Variants in PLEKHA6 observed in about 807,000 individuals in gnomAD.
The protein encoded by PLEKHA6 is pleckstrin homology domain-containing family A member 6.
A neutral mutation model predicts 116.7 loss-of-function variants in PLEKHA6; 60 were observed. That is an observed-to-expected ratio of 0.51 (90% CI 0.42 to 0.64). The LOEUF (loss-of-function observed/expected upper bound fraction) is 0.64. Ranked by LOEUF, PLEKHA6 falls within the 30% of genes least tolerant of loss-of-function variation. PLEKHA6 has a pLI of 0.00. For missense variants in PLEKHA6, 1,338 were observed against 1,422.7 expected (o/e 0.94, Z 0.96); for synonymous variants, 489 against 556.1 (o/e 0.88, Z 1.70).
upstream of PLEKHA6, among the ~76,000 whole-genome samples, chr1:204,361,053 G>A (rs1391726567): frequency 1.3e-5 from 2 of 152,088 alleles, no homozygotes. Flanking sequence ...CAGGCTCGCT[G>A]GTCTCAGTCC....
chr1:204,332,953 C>T (rs1175976939), intron 1 of PLEKHA6, among the ~76,000 whole-genome samples: 2 of 152,226 alleles, frequency 1.3e-5, no homozygotes, highest in South Asian at 2.1e-4. Context: ...AAAAGACGCT[C>T]TATAAATGCA....
rs1667837387 is a variant in PLEKHA6 at position 204,274,781 on chromosome 1, G to A, written c.-66C>T. On this transcript the variant is annotated 5_prime_UTR_variant, in exon 2 of 23. Coordinates refer to ENST00000272203, the MANE Select transcript of PLEKHA6 (RefSeq NM_014935.5). ...TCTGGGACCTGGCCAGTCACTGGGT[G>A]TAGAAATGTGTTCCGTCTTTCATTG... is the stretch of plus-strand genomic sequence containing the variant. 3.0e-6 allele frequency: 3 copies of A among 985,758 alleles called. No individual in the cohort carries two copies. The highest frequency in any genetic ancestry group is 2.4e-6 in the Non-Finnish European group (2 of 829,938). The allele number at this position is 985,758 out of a possible 1,614,324, so 61.1% of individuals were successfully genotyped here.
intron 1 of PLEKHA6, among the ~76,000 whole-genome samples, chr1:204,308,688 T>TTTC (rs1491277585): frequency 4.6e-5 from 2 of 43,888 alleles, no homozygotes; most frequent in Non-Finnish European, 4.4e-5. Context: ...TTTCTTTTTC[T>TTTC]TTTTTTTTTT....
rs1330613472 is a variant in PLEKHA6 at position 204,365,745 on chromosome 1, A to C, written c.218+2054T>G. Among the ~76,000 whole-genome samples, 5 of 152,378 alleles carry C rather than the reference A, an allele frequency of 3.3e-5. 1 individual carries two copies. Among genetic ancestry groups the C allele is most frequent in the Admixed American group, 3.3e-4 (5 of 15,308 alleles). ...AAGGTTCTAGGAGGGAGTGAAAAAC[A>C]CAATAGCCAGAATCTGCTCCCAGGA... On this transcript the variant is annotated intron_variant, in intron 3 of 4. Coordinates refer to the PLEKHA6 transcript ENST00000564627.
chr1:204,230,329 C>T, intron 18 of PLEKHA6, 84 bp downstream of exon 18: 1 of 1,176,460 alleles, frequency 8.5e-7, no homozygotes, highest in Non-Finnish European at 1.2e-6. Context: ...TCAAACCCCC[C>T]AGGCCCAAGC....
At chr1:204,303,215 G>A (rs1670987953) in intron 1 of PLEKHA6, among the ~76,000 whole-genome samples, 1 of 152,114 alleles carries the variant, frequency 6.6e-6, no homozygotes, top group Admixed American at 6.5e-5. Flanking sequence ...CCAGATCGGA[G>A]CCAATCTTCC....
chr1:204,221,580 C>G lies in PLEKHA6; in HGVS notation c.*1208G>C, dbSNP rs995495584. The G allele has an allele frequency of 2.6e-5, 4 of 152,634 alleles. No individual in the cohort carries two copies. The highest frequency in any genetic ancestry group is 7.2e-5 in the African/African-American group (3 of 41,426). 9.5% of individuals were successfully genotyped at this position (152,634 alleles called of 1,614,324 possible). On this transcript the variant is annotated 3_prime_UTR_variant, in exon 23 of 23. Coordinates refer to ENST00000272203, the MANE Select transcript of PLEKHA6 (RefSeq NM_014935.5). ...CCTCCCAGATTAAGGCCTCATCCCC[C>G]CTCCTCAAGGCGTACTCTCAGCTGG...
rs909562288 is a variant in PLEKHA6 at position 204,223,701 on chromosome 1, G to C, written c.3032-116C>G. The C allele has an allele frequency of 3.7e-5, 23 of 628,760 alleles. No individual in the cohort carries two copies. The African/African-American group carries it at 3.7e-4, about 10-fold the overall frequency. The allele number at this position is 628,760 out of a possible 1,614,324, so 38.9% of individuals were successfully genotyped here. ...AGTGAGGCAGGGAGGCAAGCGAAGA[G>C]AGAGCACTGAGCTTGGAGCTTGCTC... On this transcript the variant is annotated intron_variant, in intron 21 of 22. Coordinates refer to ENST00000272203, the MANE Select transcript of PLEKHA6 (RefSeq NM_014935.5). This position sits in a 1 kb window ranked among gnomAD's most constrained non-coding sequence, Gnocchi z 4.8.
intron 1 of PLEKHA6, among the ~76,000 whole-genome samples, chr1:204,328,009 T>C (rs1672302245): frequency 2.0e-5 from 3 of 152,074 alleles, no homozygotes; most frequent in Non-Finnish European, 4.4e-5. Context: ...CTGATGACCC[T>C]GGCTGGGATA....
In PLEKHA6 at chr1:204,238,680, C is replaced by T. The variant is rs1047515861; in HGVS notation, c.2409+2695G>A. On this transcript the variant is annotated intron_variant, in intron 17 of 22. Transcript: ENST00000272203. The surrounding 1 kb of genome is among the most constrained non-coding windows in gnomAD (Gnocchi z 4.2). ...TGCCACCATGCCTTCTCTCCCCTAC[C>T]CTGCACTGATGGACTCATGGGGAGT... 3.3e-5 allele frequency among the ~76,000 whole-genome samples: 5 copies of T among 152,180 alleles called. No individual in the cohort carries two copies. Among genetic ancestry groups the T allele is most frequent in the Non-Finnish European group, 7.3e-5 (5 of 68,034 alleles).
In PLEKHA6 at chr1:204,250,578, G is replaced by A. The variant is rs1457836312; in HGVS notation, c.1561C>T (p.His521Tyr). The A allele has an allele frequency of 6.2e-7, 1 of 1,612,944 alleles. No individual in the cohort carries two copies. Among genetic ancestry groups the A allele is most frequent in the African/African-American group, 1.3e-5 (1 of 74,912 alleles). Residue 521 changes from histidine (H) to tyrosine (Y), a missense_variant, in exon 10 of 23, where the codon CAC (histidine) becomes TAC (tyrosine). His to Tyr is a moderately conservative substitution (Grantham distance 83, BLOSUM62 2). Coordinates refer to ENST00000272203, the MANE Select transcript of PLEKHA6 (RefSeq NM_014935.5). ...PYPEVFRDSL[H>Y]TYKLNEQDTD... ...TCTTGCTCGTTTAACTTGTAGGTGT[G>A]GAGGCTGTCCCGGAACACTTCTGGG...
intron 14 of PLEKHA6, 107 bp from the exon 15 acceptor site, chr1:204,245,110 T>A: frequency 1.3e-6 from 1 of 765,242 alleles, no homozygotes; most frequent in Non-Finnish European, 1.9e-6. Flanking sequence ...TCCAGGGATG[T>A]GGAAGGGCAG....
chr1:204,257,985 G>A lies in PLEKHA6; in HGVS notation c.1008-116C>T. ...CAGGGTGCTTGAATAGGTACACAGG[G>A]GCTGAGGTTTATTCCAGAGATGAGG... On this transcript the variant is annotated intron_variant, in intron 8 of 22. Transcript: ENST00000272203. The surrounding 1 kb of genome is among the most constrained non-coding windows in gnomAD (Gnocchi z 6.5). The A allele has an allele frequency of 2.3e-6, 2 of 865,738 alleles. No homozygotes were observed. Among genetic ancestry groups the A allele is most frequent in the Non-Finnish European group, 3.6e-6 (2 of 561,994 alleles). 53.6% of individuals were successfully genotyped at this position (865,738 alleles called of 1,614,324 possible). A position where few individuals can be genotyped will look rare whatever the true frequency, so the allele number is the denominator to read the frequency against.
intron 1 of PLEKHA6, chr1:204,347,164 C>G: frequency 8.9e-7 from 1 of 1,129,604 alleles, no homozygotes; most frequent in South Asian, 1.2e-5. Context: ...CTTATAGACT[C>G]GCATATACGT....
intron 1 of PLEKHA6, among the ~76,000 whole-genome samples, chr1:204,352,229 C>T (rs868777881): frequency 4.6e-5 from 7 of 151,378 alleles, no homozygotes; most frequent in Non-Finnish European, 1.0e-4. Flanking sequence ...CCAAAATTAG[C>T]CCGGCATGGT....
At chr1:204,353,352 C>T (rs938333218) in intron 1 of PLEKHA6, among the ~76,000 whole-genome samples, 2 of 152,248 alleles carry the variant, frequency 1.3e-5, no homozygotes, top group Non-Finnish European at 2.9e-5. Context: ...TTCTCTGTGC[C>T]TGCTCCTTGG....
At chr1:204,299,566 A>T in intron 1 of PLEKHA6, 1 of 933,870 alleles carries the variant, frequency 1.1e-6, no homozygotes, top group Non-Finnish European at 1.3e-6. Context: ...CACAGCTTTG[A>T]GACATTTTCC....
chr1:204,255,030 T>C (rs1287657284), intron 9 of PLEKHA6, among the ~76,000 whole-genome samples: 1 of 152,154 alleles, frequency 6.6e-6, no homozygotes, highest in Non-Finnish European at 1.5e-5. Flanking sequence ...TGCTCACCTG[T>C]AAAACTGGGT....
At chr1:204,340,342 C>T (rs937725427) in intron 1 of PLEKHA6, among the ~76,000 whole-genome samples, 2 of 152,196 alleles carry the variant, frequency 1.3e-5, no homozygotes, top group African/African-American at 4.8e-5. Flanking sequence ...CTCGTGCCTG[C>T]AATTAACGGC....
Sources: allele counts gnomAD v4.1 joint callset (sites outside exome capture counted in the v4.1 genomes callset), GRCh38; gene constraint gnomAD v4.1.1; non-coding constraint Gnocchi (gnomAD v3.1); transcripts MANE v1.5; gene names NCBI Gene and HGNC (gene_info 2026-07-23, HGNC 2026-07-21).